The following UGT2B7 variants were observed in gnomAD, a reference collection of about 807,000 sequenced individuals.
UGT2B7 encodes UDP glucuronosyltransferase family 2 member B7.
In UGT2B7, 51 loss-of-function variants were observed where a neutral mutation model predicts 51.9. That is an observed-to-expected ratio of 0.98 (90% CI 0.78 to 1.24). The LOEUF (loss-of-function observed/expected upper bound fraction) is 1.24. UGT2B7 is among the 50% of genes most tolerant of loss of function. The pLI is 0.00. For synonymous variants in UGT2B7, 225 were observed against 211.6 expected (o/e 1.06, Z -0.55); for missense variants, 727 against 628.4 (o/e 1.16, Z -1.68).
At chr4:69,085,653 G>T (rs1718936767) in intron 1 of UGT2B7, among the ~76,000 whole-genome samples, 1 of 151,534 alleles carries the variant, frequency 6.6e-6, no homozygotes. Context: ...ATCAGTTCAT[G>T]GTTTTTTGTT....
intron 1 of UGT2B7, among the ~76,000 whole-genome samples, chr4:69,072,589 T>C (rs1718624091): frequency 6.6e-6 from 1 of 152,216 alleles, no homozygotes; most frequent in Non-Finnish European, 1.5e-5. Context: ...GTATATTCTT[T>C]AATAGTCTTA....
At chr4:69,069,985 C>A (rs1262397421) in intron 1 of UGT2B7, 3 of 151,986 alleles carry the variant, frequency 2.0e-5, no homozygotes, top group African/African-American at 4.8e-5. Context: ...TTCTTTACTA[C>A]ATTTTTCAAG....
chr4:69,066,346 C>T (rs563796709), intron 1 of UGT2B7: 1 of 152,070 alleles, frequency 6.6e-6, no homozygotes, highest in East Asian at 1.9e-4. Context: ...TGTGTTGTTG[C>T]CCTCTATGTG....
intron 1 of UGT2B7, among the ~76,000 whole-genome samples, chr4:69,077,784 A>G (rs1453142430): frequency 6.6e-6 from 1 of 152,096 alleles, no homozygotes; most frequent in Non-Finnish European, 1.5e-5. Context: ...TTATCTTGCC[A>G]GATTTCCCTA....
intron 5 of UGT2B7, among the ~76,000 whole-genome samples, chr4:69,108,999 G>A (rs1370276227): frequency 1.3e-5 from 2 of 150,872 alleles, no homozygotes; most frequent in Non-Finnish European, 1.5e-5. Context: ...TACAGTTTAG[G>A]GTGTTGTGAA....
chr4:69,060,506 C>T (rs980892304), intron 1 of UGT2B7, among the ~76,000 whole-genome samples: 2 of 152,238 alleles, frequency 1.3e-5, no homozygotes, highest in Non-Finnish European at 2.9e-5. Flanking sequence ...GAAGCCTTGA[C>T]TCAGGCCCCA....
intron 1 of UGT2B7, among the ~76,000 whole-genome samples, chr4:69,065,503 A>G (rs898044425): frequency 6.6e-5 from 10 of 152,192 alleles, no homozygotes; most frequent in Non-Finnish European, 1.0e-4. Context: ...GTCAATCACT[A>G]TTTTTACATA....
chr4:69,097,738 T>C (rs1209898376), intron 1 of UGT2B7, among the ~76,000 whole-genome samples: 6 of 152,066 alleles, frequency 3.9e-5, no homozygotes, highest in Non-Finnish European at 8.8e-5. Context: ...ATAATGTCTA[T>C]ACCTCAGATG....
intron 1 of UGT2B7, among the ~76,000 whole-genome samples, chr4:69,097,502 G>T (rs1336380278): frequency 6.6e-6 from 1 of 152,040 alleles, no homozygotes; most frequent in Non-Finnish European, 1.5e-5. Flanking sequence ...AAGACTTTAA[G>T]CAATTACACA....
At chr4:69,107,421 T>C (rs931455745) in intron 4 of UGT2B7, among the ~76,000 whole-genome samples, 159 bp downstream of exon 4, 1 of 152,270 alleles carries the variant, frequency 6.6e-6, no homozygotes, top group Non-Finnish European at 1.5e-5. Flanking sequence ...GAATACATTA[T>C]AATTTTTGGC....
intron 1 of UGT2B7, among the ~76,000 whole-genome samples, chr4:69,084,210 C>T (rs1373738110): frequency 6.6e-6 from 1 of 152,032 alleles, no homozygotes; most frequent in African/African-American, 2.4e-5. Flanking sequence ...TTCTCTGTAT[C>T]CCTGGGATAA....
At position 69,067,985 on chromosome 4, in the gene UGT2B7, A is replaced by G. The variant is rs567152791; in HGVS notation, c.-159+16383A>G. On this transcript the variant is annotated intron_variant, in intron 1 of 5. Transcript: ENST00000502942. ...TTTCAGCACACTTATGTTGTCTTTCAGAATGAGAACTCATCAAATGTTCAT... is the reference window on the plus strand; with the variant it reads ...TTTCAGCACACTTATGTTGTCTTTCGGAATGAGAACTCATCAAATGTTCAT... Among the ~76,000 whole-genome samples, 27 of 152,250 alleles carry G rather than the reference A, an allele frequency of 1.8e-4. No homozygotes were observed. In the South Asian group the frequency reaches 5.4e-3, roughly 30 times the overall value.
intron 5 of UGT2B7, among the ~76,000 whole-genome samples, chr4:69,110,168 T>A (rs1405456752): frequency 6.6e-6 from 1 of 152,026 alleles, no homozygotes; most frequent in Non-Finnish European, 1.5e-5. Flanking sequence ...ACAATAAACA[T>A]ATATGTATCA....
Position 69,097,125 on chromosome 4 carries a change from C to A in UGT2B7, c.605C>A (p.Thr202Asn). ...SYVPVVMSEL[T>N]DQMTFMERVK... ...GTACCTGTTGTTATGTCAGAATTAA[C>A]TGATCAAATGACTTTCATGGAGAGG... Residue 202 changes from threonine (T) to asparagine (N), a missense_variant, in exon 1 of 6, where the codon ACT becomes AAT. By Grantham distance (65) the Thr-to-Asn change is moderately conservative (BLOSUM62 0). Coordinates refer to ENST00000305231, the MANE Select transcript of UGT2B7 (RefSeq NM_001074.4). The A allele has an allele frequency of 6.2e-7, 1 of 1,613,614 alleles. No individual in the cohort carries two copies. The highest frequency in any genetic ancestry group is 8.5e-7 in the Non-Finnish European group (1 of 1,179,662).
At chr4:69,069,388 GA>G (rs1176517612) in intron 1 of UGT2B7, among the ~76,000 whole-genome samples, 1 of 151,482 alleles carries the variant, frequency 6.6e-6, no homozygotes, top group African/African-American at 2.4e-5. Flanking sequence ...TAACCCTTTG[GA>G]CTTATCTGAT....
At chr4:69,067,149 C>T (rs1014028433) in intron 1 of UGT2B7, among the ~76,000 whole-genome samples, 13 of 152,202 alleles carry the variant, frequency 8.5e-5, no homozygotes, top group Non-Finnish European at 1.2e-4. Context: ...TCTATTTGTC[C>T]ACATGACAAT....
In UGT2B7 at chr4:69,098,650, G is replaced by A. The variant is rs1212450363; in HGVS notation, c.832G>A (p.Gly278Arg). 1.9e-6 allele frequency: 3 copies of A among 1,611,992 alleles called. No individual in the cohort carries two copies. The highest frequency in any genetic ancestry group is 2.5e-6 in the Non-Finnish European group (3 of 1,178,906). Residue 278 changes from glycine (G) to arginine (R), a missense_variant, in exon 2 of 6, where the codon GGA becomes AGA. Gly to Arg is a moderately radical substitution (Grantham distance 125, BLOSUM62 -2). Coordinates refer to ENST00000305231, the MANE Select transcript of UGT2B7 (RefSeq NM_001074.4). Reference protein sequence around the residue: ...YPLLPNVDFVGGLHCKPAKPL... With the variant: ...YPLLPNVDFVRGLHCKPAKPL... ...ACTCTTACCAAATGTTGATTTTGTTGGAGGACTCCACTGCAAACCTGCCAA... is the reference window on the plus strand; with the variant it reads ...ACTCTTACCAAATGTTGATTTTGTTAGAGGACTCCACTGCAAACCTGCCAA...
At chr4:69,110,804 T>A (rs1719749750) in intron 5 of UGT2B7, among the ~76,000 whole-genome samples, 1 of 152,146 alleles carries the variant, frequency 6.6e-6, no homozygotes, top group Non-Finnish European at 1.5e-5. Context: ...AGTAGGTAAA[T>A]CGATATCTTC....
At chr4:69,105,221 G>A (rs1719559011) in intron 3 of UGT2B7, among the ~76,000 whole-genome samples, 1 of 152,040 alleles carries the variant, frequency 6.6e-6, no homozygotes, top group Non-Finnish European at 1.5e-5. Context: ...ACAGAAGGAG[G>A]CCAGGCACAG....
Sources: gnomAD v4.1 joint callset for allele counts (sites outside exome capture counted in the v4.1 genomes callset) on GRCh38, gnomAD v4.1.1 for gene constraint, MANE v1.5 for transcripts, NCBI Gene and HGNC (gene_info 2026-07-23, HGNC 2026-07-21) for gene names.